GLIS3: variants seen among roughly 807,000 people sequenced by gnomAD.
GLIS3 encodes zinc finger protein GLIS3.
A neutral mutation model predicts 78.6 loss-of-function variants in GLIS3; 53 were observed. That is an observed-to-expected ratio of 0.67 (90% CI 0.54 to 0.85). GLIS3 has a LOEUF of 0.85. GLIS3 is among the 40% of genes least tolerant of loss of function. The pLI, the probability that GLIS3 is intolerant of heterozygous loss-of-function variation, is 0.00. For synonymous variants in GLIS3, 684 were observed against 509.9 expected, an observed-to-expected ratio of 1.34 and a Z score of -4.60; for missense variants, 1,703 against 1,231.1, an observed-to-expected ratio of 1.38 and a Z score of -5.74.
intron 9 of GLIS3, among the ~76,000 whole-genome samples, chr9:3,837,246 A>G (rs1818408669): frequency 6.6e-6 from 1 of 152,188 alleles, no homozygotes; most frequent in African/African-American, 2.4e-5. Context: ...TTACACACCT[A>G]TTATAATGGT....
At chr9:4,476,414 T>C in the GLIS3 span, among the ~76,000 whole-genome samples, 2 of 152,046 alleles carry the variant, frequency 1.3e-5, no homozygotes, top group South Asian at 2.1e-4. Flanking sequence ...CAGGCTGGAG[T>C]GCAATGGCAG....
At chr9:4,279,763 T>C (rs1299515725) in intron 2 of GLIS3, among the ~76,000 whole-genome samples, 1 of 152,104 alleles carries the variant, frequency 6.6e-6, no homozygotes, top group Non-Finnish European at 1.5e-5. Flanking sequence ...CTGATACTAG[T>C]TTAAAATGTT....
At chr9:4,406,200 C>T in the GLIS3 span, among the ~76,000 whole-genome samples, 4 of 151,802 alleles carry the variant, frequency 2.6e-5, no homozygotes, top group Admixed American at 6.6e-5. Context: ...AATTATTCAA[C>T]GTAGTACTGG....
At chr9:4,204,482 G>A (rs991972912) in intron 2 of GLIS3, among the ~76,000 whole-genome samples, 1 of 152,062 alleles carries the variant, frequency 6.6e-6, no homozygotes, top group Non-Finnish European at 1.5e-5. Flanking sequence ...CTGCATCCTA[G>A]GGAAACCAAT....
chr9:4,259,756 C>T (rs1825333606), intron 2 of GLIS3, among the ~76,000 whole-genome samples: 1 of 152,180 alleles, frequency 6.6e-6, no homozygotes, highest in South Asian at 2.1e-4. Context: ...ACCCTCTTGT[C>T]ACTGTGACAT....
chr9:3,978,951 A>G (rs909307656), intron 4 of GLIS3, among the ~76,000 whole-genome samples: 3 of 152,230 alleles, frequency 2.0e-5, no homozygotes, highest in African/African-American at 7.2e-5. Context: ...ATTAGGTATT[A>G]TAAATAATCT....
At chr9:4,293,099 G>T (rs1444234045) in intron 1 of GLIS3, among the ~76,000 whole-genome samples, 1 of 151,992 alleles carries the variant, frequency 6.6e-6, no homozygotes, top group Non-Finnish European at 1.5e-5. Context: ...CACACAAGAG[G>T]GTACATAAGG....
intron 2 of GLIS3, among the ~76,000 whole-genome samples, chr9:4,230,285 G>A (rs961744118): frequency 5.3e-5 from 8 of 152,182 alleles, no homozygotes; most frequent in African/African-American, 1.9e-4. Context: ...GTGGGGCGAA[G>A]GTCAATGAAA....
At chr9:4,397,025 T>TTTTTC in the GLIS3 span, among the ~76,000 whole-genome samples, 91 of 112,704 alleles carry the variant, frequency 8.1e-4, no homozygotes, top group East Asian at 5.5e-3. Context: ...TCTTTTTTTC[T>TTTTTC]TTTTTTTTTT....
chr9:4,182,462 C>T (rs1817414977), intron 2 of GLIS3, among the ~76,000 whole-genome samples: 1 of 152,160 alleles, frequency 6.6e-6, no homozygotes, highest in African/African-American at 2.4e-5. Flanking sequence ...GAAACTTCTC[C>T]ACACTGTCGG....
intron 2 of GLIS3, among the ~76,000 whole-genome samples, chr9:4,208,709 TAAAG>T (rs2074484646): frequency 6.6e-6 from 1 of 152,208 alleles, no homozygotes; most frequent in African/African-American, 2.4e-5. Context: ...TGCTAGCGTT[TAAAG>T]AGTCTAACTC....
chr9:4,473,171 A>G, the GLIS3 span, among the ~76,000 whole-genome samples: 1 of 152,184 alleles, frequency 6.6e-6, no homozygotes, highest in Admixed American at 6.5e-5. Context: ...ATGGCCATCA[A>G]TGATAGACTG....
the GLIS3 span, among the ~76,000 whole-genome samples, chr9:4,448,095 G>T: frequency 6.4e-4 from 98 of 152,106 alleles, no homozygotes; most frequent in African/African-American, 2.3e-3. Context: ...TCCTTGACTG[G>T]TACCGGTTAC....
intron 3 of GLIS3, among the ~76,000 whole-genome samples, chr9:4,309,956 G>T (rs1042445864): frequency 1.3e-5 from 2 of 152,198 alleles, no homozygotes; most frequent in Non-Finnish European, 2.9e-5. Flanking sequence ...TATTTTCAAA[G>T]AAACCAAATA....
intron 9 of GLIS3, among the ~76,000 whole-genome samples, chr9:3,851,818 C>T (rs186789955): frequency 3.3e-5 from 5 of 152,242 alleles, no homozygotes; most frequent in Admixed American, 1.3e-4. Flanking sequence ...TTTTAGTGTG[C>T]CTTTGCCTTA....
chr9:3,991,779 C>T (rs551199334), intron 4 of GLIS3, among the ~76,000 whole-genome samples: 3 of 148,458 alleles, frequency 2.0e-5, no homozygotes, highest in Admixed American at 1.4e-4. Flanking sequence ...CAAGCTCCGC[C>T]TCCCGGCTTC....
the GLIS3 span, among the ~76,000 whole-genome samples, chr9:4,489,164 G>A: frequency 6.6e-6 from 1 of 152,118 alleles, no homozygotes; most frequent in Non-Finnish European, 1.5e-5. Context: ...ACCGCACCCG[G>A]GTCCCCTTCT....
chr9:4,472,716 C>A, the GLIS3 span, among the ~76,000 whole-genome samples: 30 of 152,182 alleles, frequency 2.0e-4, no homozygotes, highest in South Asian at 6.2e-3. Context: ...TGTAACAAAC[C>A]TGCACGTTGT....
At chr9:4,470,341 G>C in the GLIS3 span, among the ~76,000 whole-genome samples, 21 of 152,018 alleles carry the variant, frequency 1.4e-4, no homozygotes, top group African/African-American at 4.8e-4. Flanking sequence ...TGAATATCGA[G>C]GCAAAAATCC....
Sources: allele counts gnomAD v4.1 joint callset (sites outside exome capture counted in the v4.1 genomes callset), GRCh38; gene constraint gnomAD v4.1.1; transcripts MANE v1.5; gene names NCBI Gene and HGNC (gene_info 2026-07-23, HGNC 2026-07-21).